Variants in RCAN2 observed in about 807,000 individuals in gnomAD.
The protein encoded by RCAN2 is regulator of calcineurin 2.
Under a neutral mutation model 23.6 loss-of-function variants are expected in RCAN2, and 9 were observed. The ratio of observed to expected loss-of-function variants is 0.38; its 90% confidence interval spans 0.23 to 0.67. RCAN2 has a LOEUF of 0.67. Ranked by LOEUF, RCAN2 falls within the 30% of genes least tolerant of loss-of-function variation. The probability of loss-of-function intolerance (pLI) is 0.51; values close to 1 mark genes in which losing one functional copy is unlikely to be tolerated. For synonymous variants in RCAN2, 109 were observed against 115.7 expected (o/e 0.94, Z 0.37); for missense variants, 273 against 302.3 (o/e 0.90, Z 0.72).
chr6:46,328,912 A>G (rs1381344151), intron 2 of RCAN2, among the ~76,000 whole-genome samples: 2 of 152,122 alleles, frequency 1.3e-5, no homozygotes, highest in African/African-American at 4.8e-5. Flanking sequence ...CCTAGCCGAG[A>G]ATGTGTTTTT....
chr6:46,376,738 T>A, intron 2 of RCAN2, among the ~76,000 whole-genome samples: 1 of 150,158 alleles, frequency 6.7e-6, no homozygotes. Flanking sequence ...CACGGTAGGC[T>A]CTGGGCCTCC....
intron 2 of RCAN2, among the ~76,000 whole-genome samples, chr6:46,262,955 G>T (rs1317324549): frequency 6.6e-6 from 1 of 152,148 alleles, no homozygotes; most frequent in Non-Finnish European, 1.5e-5. Context: ...TCCCATTAAG[G>T]TTTAGACATC....
At chr6:46,406,006 C>A (rs1327902767) in intron 2 of RCAN2, among the ~76,000 whole-genome samples, 1 of 152,238 alleles carries the variant, frequency 6.6e-6, no homozygotes, top group Non-Finnish European at 1.5e-5. Context: ...GCCACTGGCC[C>A]GGGTGCTAAG....
At chr6:46,242,247 T>C (rs1766333294) in intron 4 of RCAN2, among the ~76,000 whole-genome samples, 2 of 152,236 alleles carry the variant, frequency 1.3e-5, no homozygotes, top group South Asian at 4.1e-4. Context: ...ATTGGACTTG[T>C]CCCTCTCTGA....
intron 2 of RCAN2, among the ~76,000 whole-genome samples, chr6:46,370,296 CTT>C (rs1189032525): frequency 6.6e-6 from 1 of 152,172 alleles, no homozygotes; most frequent in African/African-American, 2.4e-5. Context: ...GACTCCTTCC[CTT>C]GTTCATTTCT....
intron 4 of RCAN2, among the ~76,000 whole-genome samples, chr6:46,239,143 C>T (rs1766209185): frequency 2.6e-5 from 4 of 152,162 alleles, no homozygotes; most frequent in Admixed American, 2.6e-4. Flanking sequence ...AGCCTCTCTT[C>T]ATGTTGGATC....
intron 2 of RCAN2, among the ~76,000 whole-genome samples, chr6:46,425,446 T>TACCACTTTTAA (rs1483586012): frequency 6.6e-6 from 1 of 152,200 alleles, no homozygotes; most frequent in African/African-American, 2.4e-5. Context: ...AATATTGTGG[T>TACCACTTTTAA]TAACTTCACA....
At chr6:46,246,960 G>C in intron 3 of RCAN2, 41 bp from the exon 4 acceptor site, 1 of 1,443,356 alleles carries the variant, frequency 6.9e-7, no homozygotes, top group Non-Finnish European at 9.2e-7. Context: ...ATTCATCATG[G>C]CTTCAGATGT....
In RCAN2 at chr6:46,360,428, G is replaced by A. The variant is rs913924230; in HGVS notation, c.225+96324C>T. On this transcript the variant is annotated intron_variant, in intron 2 of 4. Transcript: ENST00000371374. ...GGGCACCTGTAGTCCCAGCTCCTCCGGAGGCTGAGGCAGGAGAATGGTGTG... is the reference window on the plus strand; with the variant it reads ...GGGCACCTGTAGTCCCAGCTCCTCCAGAGGCTGAGGCAGGAGAATGGTGTG... Among the ~76,000 whole-genome samples the A allele has an allele frequency of 8.6e-5, 13 of 151,416 alleles. 1 individual carries two copies. The highest frequency in any genetic ancestry group is 2.6e-4 in the Admixed American group (4 of 15,194).
intron 2 of RCAN2, among the ~76,000 whole-genome samples, chr6:46,364,321 G>C (rs1266630033): frequency 6.6e-6 from 1 of 152,126 alleles, no homozygotes; most frequent in African/African-American, 2.4e-5. Flanking sequence ...TATTGTGATG[G>C]TAGATAAAAA....
chr6:46,383,003 A>G (rs1765650237), intron 2 of RCAN2, among the ~76,000 whole-genome samples: 1 of 152,194 alleles, frequency 6.6e-6, no homozygotes, highest in Non-Finnish European at 1.5e-5. Context: ...TGTGTGGGCA[A>G]AGGACAGAAC....
chr6:46,356,718 C>A (rs1561872814), intron 2 of RCAN2, among the ~76,000 whole-genome samples: 1 of 152,060 alleles, frequency 6.6e-6, no homozygotes, highest in Non-Finnish European at 1.5e-5. Context: ...AGGAAACTTG[C>A]CAAAGGTCAA....
At chr6:46,274,790 T>C (rs9463195) in intron 2 of RCAN2, among the ~76,000 whole-genome samples, 119,466 of 152,044 alleles carry the variant, frequency 0.79, 47,244 homozygotes, top group Non-Finnish European at 0.83. Context: ...TAGAGTGTAA[T>C]GGAAGAACCA....
intron 1 of RCAN2, among the ~76,000 whole-genome samples, chr6:46,488,049 G>T (rs1415872224): frequency 6.6e-6 from 1 of 152,172 alleles, no homozygotes; most frequent in African/African-American, 2.4e-5. Context: ...ATCAGGTGTA[G>T]AGCCCAGTCA....
chr6:46,254,878 G>A (rs532488009), intron 2 of RCAN2, among the ~76,000 whole-genome samples: 1 of 152,158 alleles, frequency 6.6e-6, no homozygotes. Flanking sequence ...AGTGTCCTGT[G>A]AAGACAGTGA....
Position 46,248,880 on chromosome 6 carries a change from A to G in RCAN2, c.242T>C (p.Leu81Pro), listed in dbSNP as rs1009459234. 6.2e-7 allele frequency: 1 copy of G among 1,604,072 alleles called. No individual in the cohort carries two copies. The highest frequency in any genetic ancestry group is 8.5e-7 in the Non-Finnish European group (1 of 1,176,040). The change falls in exon 3 of 5, where the codon CTG (leucine) becomes CCG (proline). Residue 81 changes from leucine to proline, a missense_variant. Transcript: ENST00000371374. ...GEESKEKFEG[L>P]FRTYDDCVTF... ...CACACAGTCATCATAAGTCCGAAACAGTCCCTCAAATTTTTCCTGATAAAA... is the reference window on the plus strand; with the variant it reads ...CACACAGTCATCATAAGTCCGAAACGGTCCCTCAAATTTTTCCTGATAAAA...
chr6:46,260,550 A>G (rs1480027850), intron 2 of RCAN2, among the ~76,000 whole-genome samples: 1 of 152,170 alleles, frequency 6.6e-6, no homozygotes, highest in East Asian at 1.9e-4. Flanking sequence ...CAAGAGAGGA[A>G]CCGAAAGGCA....
At chr6:46,397,499 T>C (rs145453114) in intron 2 of RCAN2, among the ~76,000 whole-genome samples, 1 of 152,274 alleles carries the variant, frequency 6.6e-6, no homozygotes, top group Admixed American at 6.5e-5. Flanking sequence ...TTTAATAATG[T>C]ACTATAGCTA....
intron 2 of RCAN2, among the ~76,000 whole-genome samples, chr6:46,394,908 A>G (rs1239297212): frequency 1.3e-5 from 2 of 152,226 alleles, no homozygotes; most frequent in Non-Finnish European, 2.9e-5. Context: ...TGAAGGAAGC[A>G]TTAAATGAAT....
Sources: allele counts gnomAD v4.1 joint callset (sites outside exome capture counted in the v4.1 genomes callset), GRCh38; gene constraint gnomAD v4.1.1; transcripts MANE v1.5; gene names NCBI Gene and HGNC (gene_info 2026-07-23, HGNC 2026-07-21).